PCDHA1: variants seen among roughly 807,000 people sequenced by gnomAD.
PCDHA1 encodes protocadherin alpha 1.
Under a neutral mutation model 61.3 loss-of-function variants are expected in PCDHA1, and 42 were observed. The observed-to-expected ratio is 0.69, with a 90% confidence interval of 0.54 to 0.89. PCDHA1 has a LOEUF of 0.89. Among genes scored for constraint, PCDHA1 ranks in the 40% least tolerant of loss-of-function variants. The probability of loss-of-function intolerance (pLI) is 0.00; values close to 1 mark genes in which losing one functional copy is unlikely to be tolerated. For missense variants in PCDHA1, 1,256 were observed against 1,235.3 expected (o/e 1.02, Z -0.25); for synonymous variants, 610 against 553.8 (o/e 1.10, Z -1.43).
rs2150305590 is a variant in PCDHA1, at chr5:140,840,302, C to A, written c.2394+51618C>A. Among the ~76,000 whole-genome samples, 18 of 151,968 alleles carry A rather than the reference C, an allele frequency of 1.2e-4. No individual in the cohort carries two copies. The East Asian group carries it at 3.3e-3, about 28-fold the overall frequency. ...TTTGGGTGATTATTGATTAGATATTCTTTTAACTTTGGTCGACTCATTTTC... is the reference window on the plus strand; with the variant it reads ...TTTGGGTGATTATTGATTAGATATTATTTTAACTTTGGTCGACTCATTTTC... On this transcript the variant is annotated intron_variant, in intron 1 of 3. Transcript: ENST00000504120.
chr5:140,932,790 A>G (rs917083739), intron 1 of PCDHA1, among the ~76,000 whole-genome samples: 21 of 152,066 alleles, frequency 1.4e-4, no homozygotes, highest in African/African-American at 5.1e-4. Flanking sequence ...GACATAAGAG[A>G]AAAGCAATAC....
At position 140,796,749 on chromosome 5, in the gene PCDHA1, C is replaced by T. The variant is rs1554120080; in HGVS notation, c.2394+8065C>T. 7 of 1,614,118 alleles carry T rather than the reference C, an allele frequency of 4.3e-6. No individual in the cohort carries two copies. The South Asian group carries it at 5.5e-5, about 13-fold the overall frequency. On this transcript the variant is annotated intron_variant, in intron 1 of 3. Transcript: ENST00000504120. ...CAGGGCACGTGGTGGCGAAGGTGCGCGCAGTGGACGCTGACTCAGGCTACA... is the reference window on the plus strand; with the variant it reads ...CAGGGCACGTGGTGGCGAAGGTGCGTGCAGTGGACGCTGACTCAGGCTACA...
Position 141,010,015 on chromosome 5 carries a change from C to T in PCDHA1, c.*78C>T, listed in dbSNP as rs1588250671. On this transcript the variant is annotated 3_prime_UTR_variant, in exon 4 of 4. Transcript: ENST00000504120. ...CTCTCCCATGTAGCAATTCCCTGCTCCTTTTTCCTATCTACATGAGCCCTC... is the reference window on the plus strand; with the variant it reads ...CTCTCCCATGTAGCAATTCCCTGCTTCTTTTTCCTATCTACATGAGCCCTC... 7 of 1,572,182 alleles carry T rather than the reference C, an allele frequency of 4.5e-6. No individual in the cohort carries two copies. In the East Asian group the frequency reaches 1.3e-4, roughly 30 times the overall value.
intron 1 of PCDHA1, among the ~76,000 whole-genome samples, chr5:140,832,922 A>T (rs1396769346): frequency 5.9e-5 from 9 of 152,314 alleles, no homozygotes; most frequent in African/African-American, 1.7e-4. Flanking sequence ...ACTAACAGGT[A>T]TTCATGAGAA....
At chr5:140,825,048 C>T (rs1460385722) in intron 1 of PCDHA1, 1 of 151,952 alleles carries the variant, frequency 6.6e-6, no homozygotes, top group African/African-American at 2.4e-5. Flanking sequence ...TTCCCTTTCA[C>T]CTCCTTCATG....
At chr5:140,987,949 A>G (rs1251112253) in intron 3 of PCDHA1, among the ~76,000 whole-genome samples, 1 of 152,162 alleles carries the variant, frequency 6.6e-6, no homozygotes, top group Non-Finnish European at 1.5e-5. Context: ...CTGTCTGACA[A>G]AACCAACTCC....
At chr5:140,903,500 G>C (rs553764100) in intron 1 of PCDHA1, among the ~76,000 whole-genome samples, 5 of 152,184 alleles carry the variant, frequency 3.3e-5, no homozygotes, top group Non-Finnish European at 7.3e-5. Flanking sequence ...AGGTACCATA[G>C]ATAATAGTTC....
At chr5:140,964,482 G>A (rs1554227054) in intron 1 of PCDHA1, among the ~76,000 whole-genome samples, 1 of 152,144 alleles carries the variant, frequency 6.6e-6, no homozygotes, top group African/African-American at 2.4e-5. Flanking sequence ...TTTTTTCACA[G>A]TCACAGGTCT....
At chr5:140,807,203 G>C (rs1562206612) in intron 1 of PCDHA1, 1 of 1,613,738 alleles carries the variant, frequency 6.2e-7, no homozygotes, top group Non-Finnish European at 8.5e-7. Flanking sequence ...GTTTTCCTGG[G>C]GAAGCGGCCA....
At chr5:140,823,170 G>A in intron 1 of PCDHA1, 1 of 1,613,908 alleles carries the variant, frequency 6.2e-7, no homozygotes, top group South Asian at 1.1e-5. Context: ...TCGTGAAGGA[G>A]AACAACCCGC....
At chr5:141,003,988 C>T (rs1554259401) in intron 3 of PCDHA1, among the ~76,000 whole-genome samples, 1 of 152,120 alleles carries the variant, frequency 6.6e-6, no homozygotes, top group African/African-American at 2.4e-5. Context: ...TGCCGGAGAT[C>T]CTAGAAGGGA....
At chr5:140,906,403 T>A (rs1583592944) in intron 1 of PCDHA1, among the ~76,000 whole-genome samples, 1 of 152,220 alleles carries the variant, frequency 6.6e-6, no homozygotes, top group East Asian at 1.9e-4. Context: ...AATTTTCATA[T>A]GAAGTCAATA....
rs782810123 is a variant in PCDHA1, at chr5:140,876,271, T to C, written c.2394+87587T>C. 1.9e-6 allele frequency: 3 copies of C among 1,613,926 alleles called. No individual in the cohort carries two copies. In the African/African-American group the frequency reaches 4.0e-5, roughly 22 times the overall value. On this transcript the variant is annotated intron_variant, in intron 1 of 3. Coordinates refer to ENST00000504120, the MANE Select transcript of PCDHA1 (RefSeq NM_018900.4). ...CACAAGAGTGATCCAACTAAATGCTTCCGATCCAGACGAAGGACTTAATGG... is the reference window on the plus strand; with the variant it reads ...CACAAGAGTGATCCAACTAAATGCTCCCGATCCAGACGAAGGACTTAATGG...
chr5:140,841,857 T>C, intron 1 of PCDHA1: 3 of 1,613,860 alleles, frequency 1.9e-6, no homozygotes, highest in South Asian at 1.1e-5. Context: ...GATTACTTCA[T>C]GCTAGATGTG....
rs1210767626 is a variant in PCDHA1 at position 141,010,197 on chromosome 5, C to G, written c.*260C>G. 83 of 1,552,082 alleles carry G rather than the reference C, an allele frequency of 5.3e-5. No homozygotes were observed. Among genetic ancestry groups the G allele is most frequent in the Non-Finnish European group, 6.6e-5 (76 of 1,147,118 alleles). On this transcript the variant is annotated 3_prime_UTR_variant, in exon 4 of 4. Coordinates refer to ENST00000504120, the MANE Select transcript of PCDHA1 (RefSeq NM_018900.4). ...AAAAGCAGACCCAAGTTTCCTTTCT[C>G]CTCCGCCGCAAAGGAGAGGCTTCCC...
intron 1 of PCDHA1, chr5:140,848,897 A>T (rs1554142535): frequency 6.2e-7 from 1 of 1,605,658 alleles, no homozygotes. Context: ...CAGTGTTCCC[A>T]GCGACACAAA....
chr5:140,936,615 G>T (rs1052104404), intron 1 of PCDHA1, among the ~76,000 whole-genome samples: 1 of 152,178 alleles, frequency 6.6e-6, no homozygotes, highest in Non-Finnish European at 1.5e-5. Context: ...CTGCTACTGT[G>T]CAGTGCTACC....
chr5:141,001,359 T>C (rs186629026), intron 3 of PCDHA1, among the ~76,000 whole-genome samples: 4 of 152,344 alleles, frequency 2.6e-5, no homozygotes, highest in Admixed American at 1.3e-4. Context: ...GGTTTAAGCC[T>C]ACTATTCTGA....
intron 1 of PCDHA1, chr5:140,848,198 C>A (rs891964710): frequency 3.2e-6 from 1 of 311,390 alleles, no homozygotes; most frequent in Non-Finnish European, 5.9e-6. Flanking sequence ...TCTGTTTCAA[C>A]AATCATTACT....
Sources: allele counts gnomAD v4.1 joint callset (sites outside exome capture counted in the v4.1 genomes callset), GRCh38; gene constraint gnomAD v4.1.1; transcripts MANE v1.5; gene names NCBI Gene and HGNC (gene_info 2026-07-23, HGNC 2026-07-21).